CAPZA2: variants seen among roughly 807,000 people sequenced by gnomAD.
CAPZA2 encodes F-actin-capping protein subunit alpha-2.
Under a neutral mutation model 44.0 loss-of-function variants are expected in CAPZA2, and 13 were observed. That is an observed-to-expected ratio of 0.30 (90% confidence interval 0.19 to 0.47). The LOEUF is 0.47. Among genes scored for constraint, CAPZA2 ranks in the 20% least tolerant of loss-of-function variants. CAPZA2 has a pLI of 1.00. For missense variants in CAPZA2, 244 were observed against 338.6 expected (o/e 0.72, Z 2.19); for synonymous variants, 94 against 108.2 (o/e 0.87, Z 0.81).
chr7:116,906,005 G>A (rs1030795731), intron 5 of CAPZA2, among the ~76,000 whole-genome samples: 5 of 152,084 alleles, frequency 3.3e-5, no homozygotes, highest in Admixed American at 6.6e-5. Context: ...TAGAATGTTC[G>A]TGAATATTTC....
At chr7:116,889,582 G>C (rs1474023135) in intron 2 of CAPZA2, among the ~76,000 whole-genome samples, 3 of 148,606 alleles carry the variant, frequency 2.0e-5, no homozygotes, top group Non-Finnish European at 4.5e-5. Flanking sequence ...AAAAAAAAAA[G>C]ATATAATGGA....
At chr7:116,896,528 G>A (rs1796931093) in intron 3 of CAPZA2, among the ~76,000 whole-genome samples, 1 of 152,082 alleles carries the variant, frequency 6.6e-6, no homozygotes, top group Non-Finnish European at 1.5e-5. Context: ...TCTATTTAGA[G>A]GTGGTTTTTG....
chr7:116,916,993 A>G (rs942511070), intron 9 of CAPZA2, among the ~76,000 whole-genome samples: 1 of 152,108 alleles, frequency 6.6e-6, no homozygotes, highest in Non-Finnish European at 1.5e-5. Context: ...ATTATGTGTA[A>G]TCTGTTTAGA....
At chr7:116,901,903 G>A (rs1055979162) in intron 4 of CAPZA2, among the ~76,000 whole-genome samples, 3 of 151,150 alleles carry the variant, frequency 2.0e-5, no homozygotes, top group Non-Finnish European at 4.4e-5. Flanking sequence ...GTGTGTGTGT[G>A]TGTGTGTGTA....
rs765678010 is a variant in CAPZA2 at position 116,888,140 on chromosome 7, C to G, written c.53C>G (p.Ala18Gly). The G allele has an allele frequency of 6.2e-7, 1 of 1,610,628 alleles. No homozygotes were observed. The highest frequency in any genetic ancestry group is 8.5e-7 in the Non-Finnish European group (1 of 1,178,148). The part of the protein sequence containing the change: ...LSDEEKVRIA[A>G]KFIIHAPPGE... Reference sequence around the variant, plus strand: ...TTTCTGTTTCAGGTGCGTATAGCAGCAAAATTCATCATTCATGCCCCTCCT... The same window carrying G: ...TTTCTGTTTCAGGTGCGTATAGCAGGAAAATTCATCATTCATGCCCCTCCT... Residue 18 changes from alanine to glycine, a missense_variant, in exon 2 of 10, where the codon GCA (alanine) becomes GGA (glycine). Physicochemically the swap from Ala to Gly is moderately conservative, Grantham distance 60. Coordinates refer to ENST00000361183, the MANE Select transcript of CAPZA2 (RefSeq NM_006136.3).
chr7:116,876,117 G>A (rs1796617607), intron 1 of CAPZA2, among the ~76,000 whole-genome samples: 1 of 152,030 alleles, frequency 6.6e-6, no homozygotes, highest in South Asian at 2.1e-4. Flanking sequence ...TGGTGTGGTG[G>A]CAGGCACCTG....
chr7:116,893,234 G>A (rs539522468), intron 3 of CAPZA2, among the ~76,000 whole-genome samples, 189 bp downstream of exon 3: 76 of 152,130 alleles, frequency 5.0e-4, no homozygotes, highest in Middle Eastern at 3.4e-3. Context: ...GGGTACAAGC[G>A]ATTCTTCTGC....
chr7:116,892,395 T>G (rs1368629122), intron 2 of CAPZA2, among the ~76,000 whole-genome samples: 1 of 152,224 alleles, frequency 6.6e-6, no homozygotes, highest in African/African-American at 2.4e-5. Context: ...TTTTCTTTTA[T>G]GTTTTACAAA....
At chr7:116,912,167 T>C (rs775585737) in intron 8 of CAPZA2, 27 bp downstream of exon 8, 9 of 1,609,116 alleles carry the variant, frequency 5.6e-6, no homozygotes, top group Non-Finnish European at 6.8e-6. Flanking sequence ...ACAATAAAAT[T>C]TAACCTAATA....
At chr7:116,896,495 C>A (rs972731635) in intron 3 of CAPZA2, among the ~76,000 whole-genome samples, 1 of 151,978 alleles carries the variant, frequency 6.6e-6, no homozygotes, top group African/African-American at 2.4e-5. Context: ...GGCTTTATAA[C>A]CCAAAGGAAG....
At chr7:116,869,616 T>A (rs1796524296) in intron 1 of CAPZA2, among the ~76,000 whole-genome samples, 1 of 152,248 alleles carries the variant, frequency 6.6e-6, no homozygotes, top group Admixed American at 6.5e-5. Flanking sequence ...CATCTTATAT[T>A]GATTGTGAAT....
chr7:116,890,615 T>G (rs371020197), intron 2 of CAPZA2, among the ~76,000 whole-genome samples: 2 of 75,126 alleles, frequency 2.7e-5, no homozygotes, highest in African/African-American at 8.2e-5. Context: ...CACACACACA[T>G]ATATACAAAA....
chr7:116,887,399 G>C (rs897453697), intron 1 of CAPZA2, among the ~76,000 whole-genome samples: 3 of 152,122 alleles, frequency 2.0e-5, no homozygotes, highest in African/African-American at 7.2e-5. Flanking sequence ...GTGGTGGCAC[G>C]TGCCTGTAGT....
At chr7:116,877,912 TATA>T (rs777790912) in intron 1 of CAPZA2, among the ~76,000 whole-genome samples, 14 of 152,244 alleles carry the variant, frequency 9.2e-5, no homozygotes, top group Non-Finnish European at 2.1e-4. Context: ...AGGACAGCTT[TATA>T]ACAATCCAGA....
intron 1 of CAPZA2, among the ~76,000 whole-genome samples, chr7:116,868,827 A>G (rs1409468661): frequency 6.6e-6 from 1 of 152,246 alleles, no homozygotes; most frequent in Non-Finnish European, 1.5e-5. Flanking sequence ...TCTATTCTAT[A>G]GATAAATTAT....
At chr7:116,894,214 T>C (rs1047684747) in intron 3 of CAPZA2, among the ~76,000 whole-genome samples, 31 of 152,140 alleles carry the variant, frequency 2.0e-4, no homozygotes, top group African/African-American at 7.2e-4. Flanking sequence ...ATAGAAAAAT[T>C]AGCTGAGCAT....
chr7:116,918,575 C>T lies in CAPZA2; in HGVS notation c.*708C>T, dbSNP rs1465914123. On this transcript the variant is annotated 3_prime_UTR_variant, in exon 10 of 10. Transcript: ENST00000361183. ...CAAATCAGCTTGAATTCCATATGTC[C>T]CTGAGTTATTTTTATCATAAAGCCA... is the stretch of plus-strand genomic sequence containing the variant. The T allele has an allele frequency of 6.6e-6, 1 of 152,272 alleles. No homozygotes were observed. Among genetic ancestry groups the T allele is most frequent in the Admixed American group, 6.6e-5 (1 of 15,234 alleles). 9.4% of individuals were successfully genotyped at this position (152,272 alleles called of 1,614,324 possible).
rs1791774946 is a variant in CAPZA2 at position 116,921,919 on chromosome 7, G to A, written c.*4052G>A. ...TTCTGGCATGAGTGGTGCTTTTCCA[G>A]AGTACACTTGGATATATGATTACAT... is the stretch of plus-strand genomic sequence containing the variant. On this transcript the variant is annotated 3_prime_UTR_variant, in exon 10 of 10. Coordinates refer to ENST00000361183, the MANE Select transcript of CAPZA2 (RefSeq NM_006136.3). 6.6e-6 allele frequency: 1 copy of A among 152,122 alleles called. No individual in the cohort carries two copies. The highest frequency in any genetic ancestry group is 1.5e-5 in the Non-Finnish European group (1 of 68,026). 9.4% of individuals were successfully genotyped at this position (152,122 alleles called of 1,614,324 possible).
At chr7:116,899,948 A>G (rs1175056000) in intron 4 of CAPZA2, among the ~76,000 whole-genome samples, 1 of 151,720 alleles carries the variant, frequency 6.6e-6, no homozygotes, top group Non-Finnish European at 1.5e-5. Flanking sequence ...ATTTAGAGAT[A>G]TATCCAAAGA....
Sources: gnomAD v4.1 joint callset for allele counts (sites outside exome capture counted in the v4.1 genomes callset) on GRCh38, gnomAD v4.1.1 for gene constraint, MANE v1.5 for transcripts, NCBI Gene and HGNC (gene_info 2026-07-23, HGNC 2026-07-21) for gene names.